SYBU: variants seen among roughly 807,000 people sequenced by gnomAD.
The protein encoded by SYBU is syntabulin, also known as GOLSYN A protein.
In SYBU, 21 loss-of-function variants were observed where a neutral mutation model predicts 35.9. The observed-to-expected ratio is 0.58, with a 90% confidence interval of 0.41 to 0.84. The LOEUF (loss-of-function observed/expected upper bound fraction) is 0.84. SYBU is among the 40% of genes least tolerant of loss of function. SYBU has a pLI of 0.00. For synonymous variants in SYBU, 319 were observed against 324.3 expected (o/e 0.98, Z 0.18); for missense variants, 768 against 848.2 (o/e 0.91, Z 1.17).
intron 3 of SYBU, among the ~76,000 whole-genome samples, chr8:109,617,978 C>A (rs1204238114): frequency 1.3e-5 from 2 of 152,134 alleles, no homozygotes; most frequent in African/African-American, 4.8e-5. Context: ...AAAATAAAAC[C>A]ATCTGTAGCT....
At chr8:109,589,025 T>C (rs1328260639) in intron 3 of SYBU, among the ~76,000 whole-genome samples, 1 of 152,062 alleles carries the variant, frequency 6.6e-6, no homozygotes, top group Admixed American at 6.6e-5. Context: ...CTGGGTGTGG[T>C]GGTGAGCGCC....
At chr8:109,626,845 G>T (rs182943187) in intron 2 of SYBU, among the ~76,000 whole-genome samples, 33 of 152,292 alleles carry the variant, frequency 2.2e-4, no homozygotes, top group Admixed American at 2.2e-3. Context: ...CAGCCTGGGT[G>T]TCTGAATAAG....
rs1043771981 is a variant in SYBU at position 109,584,389 on chromosome 8, G to A, written c.530+1671C>T. 6.6e-6 allele frequency among the ~76,000 whole-genome samples: 1 copy of A among 152,114 alleles called. No individual in the cohort carries two copies. Among genetic ancestry groups the A allele is most frequent in the African/African-American group, 2.4e-5 (1 of 41,416 alleles). Reference sequence around the variant, plus strand: ...TTTAACCACAAACACTGATTCCTTTGAAATATTTAAGTTGGCTTCATCTAC... The same window carrying A: ...TTTAACCACAAACACTGATTCCTTTAAAATATTTAAGTTGGCTTCATCTAC... On this transcript the variant is annotated intron_variant, in intron 4 of 6. Coordinates refer to ENST00000276646, the MANE Select transcript of SYBU (RefSeq NM_001099754.2). This position sits in a 1 kb window ranked among gnomAD's most constrained non-coding sequence, Gnocchi z 4.0.
In SYBU at chr8:109,619,119, C is replaced by T. The variant is rs1020173365; in HGVS notation, c.230-80G>A. 4.6e-6 allele frequency: 5 copies of T among 1,075,856 alleles called. No homozygotes were observed. In the African/African-American group the frequency reaches 7.7e-5, roughly 17 times the overall value. 66.6% of individuals were successfully genotyped at this position (1,075,856 alleles called of 1,614,324 possible). ...GAGAAGCCATGCGGTGCACCACACA[C>T]ACGCACACGTGCACTCGCACACGTA... On this transcript the variant is annotated intron_variant, in intron 2 of 6. Coordinates refer to ENST00000276646, the MANE Select transcript of SYBU (RefSeq NM_001099754.2).
chr8:109,689,855 A>AAC (rs1554630600), intron 1 of SYBU, among the ~76,000 whole-genome samples: 11 of 139,404 alleles, frequency 7.9e-5, no homozygotes, highest in African/African-American at 2.4e-4. Flanking sequence ...AAAAAAAAAA[A>AAC]CCATGACTAT....
chr8:109,638,542 CT>C lies in SYBU; in HGVS notation c.229+4185del, dbSNP rs531636992. Among the ~76,000 whole-genome samples, 322 of 151,234 alleles carry C rather than the reference CT, an allele frequency of 2.1e-3. 3 individuals carry two copies. The highest frequency in any genetic ancestry group is 7.0e-3 in the African/African-American group (287 of 40,920). On this transcript the variant is annotated intron_variant, in intron 2 of 6. Transcript: ENST00000276646. ...AACAAACAAACAAACAAACAAAAAA[CT>C]TTTTTTTTAAAAGGGGACAGGAAAG...
intron 1 of SYBU, among the ~76,000 whole-genome samples, chr8:109,670,757 T>G (rs898546394): frequency 1.3e-5 from 2 of 152,186 alleles, no homozygotes; most frequent in Non-Finnish European, 2.9e-5. Flanking sequence ...CAAACAATCC[T>G]GATTCCTTCC....
chr8:109,612,437 T>C (rs140935126), intron 3 of SYBU, among the ~76,000 whole-genome samples: 1 of 152,352 alleles, frequency 6.6e-6, no homozygotes, highest in African/African-American at 2.4e-5. Context: ...ACTGGCAAGC[T>C]ATTAGAAAAA....
intron 3 of SYBU, among the ~76,000 whole-genome samples, chr8:109,595,499 C>T (rs1824767710): frequency 6.6e-6 from 1 of 152,192 alleles, no homozygotes; most frequent in Non-Finnish European, 1.5e-5. Flanking sequence ...CAGCTTTTTG[C>T]TAGCACACGT....
chr8:109,691,069 C>T lies in SYBU; in HGVS notation c.-58+264G>A, dbSNP rs1258119318. Among the ~76,000 whole-genome samples the T allele has an allele frequency of 6.6e-6, 1 of 152,184 alleles. No homozygotes were observed. The highest frequency in any genetic ancestry group is 1.5e-5 in the Non-Finnish European group (1 of 68,034). Reference sequence around the variant, plus strand: ...TGCTCGTTGCAACAAGGAGTCCAGCCCGACCGTCTCAACAACCAATCAAAC... The same window carrying T: ...TGCTCGTTGCAACAAGGAGTCCAGCTCGACCGTCTCAACAACCAATCAAAC... On this transcript the variant is annotated intron_variant, in intron 1 of 7. Coordinates refer to the SYBU transcript ENST00000422135. The surrounding 1 kb of genome is among the most constrained non-coding windows in gnomAD (Gnocchi z 4.7).
chr8:109,607,853 C>G (rs182202211), intron 3 of SYBU: 5 of 923,972 alleles, frequency 5.4e-6, no homozygotes, highest in African/African-American at 3.3e-5. Context: ...CACACACACA[C>G]AGTCTAGCCT....
At chr8:109,576,907 G>C (rs1024236766) in intron 6 of SYBU, among the ~76,000 whole-genome samples, 6 of 152,050 alleles carry the variant, frequency 3.9e-5, no homozygotes, top group African/African-American at 1.4e-4. Context: ...CCCAAGTTTT[G>C]CTGCATTCCC....
At chr8:109,681,875 T>C (rs1290329359), upstream of SYBU, among the ~76,000 whole-genome samples, 2 of 152,150 alleles carry the variant, frequency 1.3e-5, no homozygotes, top group Non-Finnish European at 2.9e-5. Context: ...GTTACCTCCA[T>C]GCTGTTCTTG....
In SYBU at chr8:109,663,331, A is replaced by T. The variant is rs146274035; in HGVS notation, c.-129+17380T>A. ...TAGATACCAATAGAATAAAGGCAGC[A>T]GTAGGACTGATTTTGATCAGGACAA... On this transcript the variant is annotated intron_variant, in intron 1 of 5. Transcript: ENST00000408889. Among the ~76,000 whole-genome samples, 59 of 152,246 alleles carry T rather than the reference A, an allele frequency of 3.9e-4. No homozygotes were observed. The East Asian group carries it at 5.6e-3, about 14-fold the overall frequency.
At chr8:109,593,600 G>C (rs993223750) in intron 3 of SYBU, among the ~76,000 whole-genome samples, 1 of 152,232 alleles carries the variant, frequency 6.6e-6, no homozygotes, top group Non-Finnish European at 1.5e-5. Flanking sequence ...TGTTGTAAAA[G>C]AGAAGGGTCC....
upstream of SYBU, chr8:109,648,590 G>A (rs1461350244): frequency 6.6e-6 from 1 of 152,058 alleles, no homozygotes; most frequent in Non-Finnish European, 1.5e-5. Flanking sequence ...AAACTTCACA[G>A]AGAAGACAAT....
chr8:109,667,108 C>G (rs1008692157), intron 1 of SYBU, among the ~76,000 whole-genome samples: 1 of 152,086 alleles, frequency 6.6e-6, no homozygotes, highest in South Asian at 2.1e-4. Flanking sequence ...ATTGTTATTA[C>G]TATTGTTATT....
intron 2 of SYBU, 64 bp from the exon 3 acceptor site, chr8:109,619,103 T>C: frequency 7.7e-7 from 1 of 1,303,734 alleles, no homozygotes; most frequent in South Asian, 1.2e-5. Flanking sequence ...TGAGAAGCCA[T>C]GCGGTGCACC....
In SYBU at chr8:109,575,946, AC is replaced by A; in HGVS notation, c.951del (p.Glu317AspfsTer5). ...ARMREDWIEE[E>X]CHRVEAQLAL... Reference sequence around the variant, plus strand: ...GCCAACTGGGCCTCTACCCGGTGACACTCCTCCTCAATCCAGTCCTCTCGCA... The same window carrying A: ...GCCAACTGGGCCTCTACCCGGTGACATCCTCCTCAATCCAGTCCTCTCGCA... On this transcript the variant is annotated frameshift_variant, in exon 7 of 7. Transcript: ENST00000276646. LOFTEE classifies it low-confidence loss of function (END_TRUNC). 6.2e-7 allele frequency: 1 copy of A among 1,608,600 alleles called. No homozygotes were observed. Among genetic ancestry groups the A allele is most frequent in the South Asian group, 1.1e-5 (1 of 90,886 alleles).
Sources: gnomAD v4.1 joint callset for allele counts (sites outside exome capture counted in the v4.1 genomes callset) on GRCh38, gnomAD v4.1.1 for gene constraint, Gnocchi (gnomAD v3.1) non-coding constraint, MANE v1.5 for transcripts, NCBI Gene and HGNC (gene_info 2026-07-23, HGNC 2026-07-21) for gene names.